MEGF9: variants seen among roughly 807,000 people sequenced by gnomAD.
MEGF9 encodes the protein multiple EGF like domains 9, also known as multiple epidermal growth factor-like domains protein 9.
In MEGF9, 6 loss-of-function variants were observed where a neutral mutation model predicts 46.8. That is an observed-to-expected ratio of 0.13 (90% confidence interval 0.07 to 0.25). MEGF9 has a LOEUF of 0.25. Among genes scored for constraint, MEGF9 ranks in the 10% least tolerant of loss-of-function variants. The pLI is 1.00. For synonymous variants in MEGF9, 302 were observed against 330.7 expected, an observed-to-expected ratio of 0.91 and a Z score of 0.94; for missense variants, 683 against 792.4, an observed-to-expected ratio of 0.86 and a Z score of 1.66.
At chr9:120,699,419 A>G (rs2043892833) in intron 1 of MEGF9, among the ~76,000 whole-genome samples, 1 of 152,154 alleles carries the variant, frequency 6.6e-6, no homozygotes, top group African/African-American at 2.4e-5. Context: ...GATTATTTTT[A>G]TAATTGTAAA....
chr9:120,618,627 G>A (rs867297446), intron 3 of MEGF9, among the ~76,000 whole-genome samples: 2 of 152,154 alleles, frequency 1.3e-5, no homozygotes, highest in African/African-American at 2.4e-5. Flanking sequence ...GCTGGGCTCC[G>A]TGGCTCAAGT....
At chr9:120,622,540 C>A in intron 3 of MEGF9, 76 bp downstream of exon 3, 2 of 1,461,240 alleles carry the variant, frequency 1.4e-6, no homozygotes, top group East Asian at 2.5e-5. Flanking sequence ...TCAGAAGAAT[C>A]AACCTATAGC....
chr9:120,624,368 C>T (rs950371214), intron 2 of MEGF9, among the ~76,000 whole-genome samples: 2 of 152,096 alleles, frequency 1.3e-5, no homozygotes, highest in African/African-American at 4.8e-5. Context: ...GCTGGGACTA[C>T]AGGTATGCGC....
chr9:120,694,491 T>C (rs16910049), intron 1 of MEGF9, among the ~76,000 whole-genome samples: 2,418 of 152,352 alleles, frequency 0.016, 61 homozygotes, highest in African/African-American at 0.055. Flanking sequence ...GAATTCTAAG[T>C]GTTTTACATT....
intron 1 of MEGF9, among the ~76,000 whole-genome samples, chr9:120,660,280 A>G (rs1473989164): frequency 6.6e-6 from 1 of 152,186 alleles, no homozygotes; most frequent in Non-Finnish European, 1.5e-5. Context: ...ACATAGGTGT[A>G]TAAGGTGTAT....
chr9:120,666,995 C>CA (rs1287237307), intron 1 of MEGF9, among the ~76,000 whole-genome samples: 2 of 152,186 alleles, frequency 1.3e-5, no homozygotes, highest in Admixed American at 1.3e-4. Flanking sequence ...AACCATTTTA[C>CA]ATCTTGATTA....
intron 1 of MEGF9, among the ~76,000 whole-genome samples, chr9:120,662,687 AC>A (rs780750656): frequency 2.0e-5 from 3 of 152,232 alleles, no homozygotes; most frequent in Non-Finnish European, 2.9e-5. Flanking sequence ...AATAATTAAT[AC>A]AACAGCTGGA....
chr9:120,691,648 C>T (rs1216376200), intron 1 of MEGF9, among the ~76,000 whole-genome samples: 2 of 152,156 alleles, frequency 1.3e-5, no homozygotes, highest in African/African-American at 2.4e-5. Context: ...TGAATTCTTT[C>T]CCTGTGCTTT....
At chr9:120,631,638 C>T (rs1409723012) in intron 2 of MEGF9, among the ~76,000 whole-genome samples, 1 of 151,730 alleles carries the variant, frequency 6.6e-6, no homozygotes, top group East Asian at 2.0e-4. Context: ...GTGTGCACCA[C>T]CATGCCTGGG....
chr9:120,701,755 C>T (rs1366279118), intron 1 of MEGF9, among the ~76,000 whole-genome samples: 1 of 152,058 alleles, frequency 6.6e-6, no homozygotes, highest in African/African-American at 2.4e-5. Context: ...TTTAAATTAC[C>T]TAGACAAGGT....
chr9:120,622,495 T>G, intron 3 of MEGF9, 121 bp downstream of exon 3: 1 of 857,318 alleles, frequency 1.2e-6, no homozygotes, highest in Admixed American at 3.3e-5. Flanking sequence ...ATCTAGTACA[T>G]CCTACTTAGA....
In MEGF9 at chr9:120,714,166, G is replaced by T; in HGVS notation, c.193C>A (p.His65Asn). 1 of 1,235,948 alleles carries T rather than the reference G, an allele frequency of 8.1e-7. No homozygotes were observed. Among genetic ancestry groups the T allele is most frequent in the South Asian group, 4.0e-5 (1 of 25,162 alleles). The allele number at this position is 1,235,948 out of a possible 1,614,324, so 76.6% of individuals were successfully genotyped here. A position where few individuals can be genotyped will look rare whatever the true frequency, so the allele number is the denominator to read the frequency against. Residue 65 changes from histidine (H) to asparagine (N), a missense_variant, in exon 1 of 6, where the codon CAC becomes AAC. His to Asn is a moderately conservative substitution (Grantham distance 68, BLOSUM62 1). Transcript: ENST00000373930. The stretch of plus-strand genomic sequence containing the variant: ...GGAGCCGTCGCCCTAGGGAAGGGGT[G>T]GCTGGGCTCGCCCCGCAACCCGGGG... ...PGPGLRGEPSHPFPRATAPTA... is the reference protein window; with the variant it reads ...PGPGLRGEPSNPFPRATAPTA...
rs1166276118 is a variant in MEGF9 at position 120,600,813 on chromosome 9, A to G, written c.*4377T>C. On this transcript the variant is annotated 3_prime_UTR_variant, in exon 6 of 6. Coordinates refer to ENST00000373930, the MANE Select transcript of MEGF9 (RefSeq NM_001080497.3). ...AAACAAAATACATGGCCAATAAATG[A>G]AGAGTTCAAAGATTTTTATGAAGTG... The G allele has an allele frequency of 2.0e-5, 3 of 152,676 alleles. No individual in the cohort carries two copies. The highest frequency in any genetic ancestry group is 4.8e-5 in the African/African-American group (2 of 41,460). The allele number at this position is 152,676 out of a possible 1,614,324, so 9.5% of individuals were successfully genotyped here.
chr9:120,664,617 C>A (rs2043716837), intron 1 of MEGF9, among the ~76,000 whole-genome samples: 1 of 152,194 alleles, frequency 6.6e-6, no homozygotes. Flanking sequence ...TAGAAGACTA[C>A]TTGTGGCTAT....
intron 4 of MEGF9, 58 bp downstream of exon 4, chr9:120,612,338 C>A: frequency 6.5e-7 from 1 of 1,542,748 alleles, no homozygotes; most frequent in Non-Finnish European, 8.8e-7. Flanking sequence ...GCAACTTATA[C>A]CTATTGATAA....
At chr9:120,638,834 A>G (rs566785798) in intron 2 of MEGF9, among the ~76,000 whole-genome samples, 2 of 152,256 alleles carry the variant, frequency 1.3e-5, no homozygotes, top group East Asian at 3.9e-4. Context: ...GTTTGTTTTT[A>G]GAGATGGGGT....
intron 5 of MEGF9, among the ~76,000 whole-genome samples, chr9:120,606,749 T>C (rs2043421867): frequency 6.6e-6 from 1 of 152,200 alleles, no homozygotes; most frequent in African/African-American, 2.4e-5. Flanking sequence ...CACAGCATTA[T>C]CACATTTAAT....
intron 1 of MEGF9, among the ~76,000 whole-genome samples, chr9:120,662,197 C>T (rs1461984815): frequency 2.0e-5 from 3 of 152,138 alleles, no homozygotes; most frequent in Non-Finnish European, 4.4e-5. Context: ...GATAAACTTT[C>T]AATACTAACC....
At chr9:120,670,436 C>T (rs898633790) in intron 1 of MEGF9, among the ~76,000 whole-genome samples, 1 of 152,140 alleles carries the variant, frequency 6.6e-6, no homozygotes, top group African/African-American at 2.4e-5. Context: ...TATCCTCTAC[C>T]GTGTTCCTAG....
Sources: allele counts gnomAD v4.1 joint callset (sites outside exome capture counted in the v4.1 genomes callset), GRCh38; gene constraint gnomAD v4.1.1; transcripts MANE v1.5; gene names NCBI Gene and HGNC (gene_info 2026-07-23, HGNC 2026-07-21).